ITPRID2: variants seen among roughly 807,000 people sequenced by gnomAD.
The protein encoded by ITPRID2 is ITPR interacting domain containing 2, also known as protein ITPRID2.
A neutral mutation model predicts 124.3 loss-of-function variants in ITPRID2; 60 were observed. The ratio of observed to expected loss-of-function variants is 0.48; its 90% confidence interval spans 0.39 to 0.60. The LOEUF (loss-of-function observed/expected upper bound fraction) is 0.60, where lower values mean the gene tolerates loss of function less well. ITPRID2 is among the 20% of genes least tolerant of loss of function. ITPRID2 has a pLI of 0.00. For synonymous variants in ITPRID2, 521 were observed against 542.9 expected, an observed-to-expected ratio of 0.96 and a Z score of 0.56; for missense variants, 1,553 against 1,512.2, an observed-to-expected ratio of 1.03 and a Z score of -0.45.
Position 181,919,216 on chromosome 2 carries a change from A to G in ITPRID2, c.2994-80A>G. 1 of 1,502,028 alleles carries G rather than the reference A, an allele frequency of 6.7e-7. No individual in the cohort carries two copies. The highest frequency in any genetic ancestry group is 1.2e-5 in the South Asian group (1 of 86,552). The allele number at this position is 1,502,028 out of a possible 1,614,324, so 93.0% of individuals were successfully genotyped here. Reference sequence around the variant, plus strand: ...AGATTTCCATGCCTTCTGTTAGCATATAGTAGTTGTTGAAAGATTTGTGAT... The same window carrying G: ...AGATTTCCATGCCTTCTGTTAGCATGTAGTAGTTGTTGAAAGATTTGTGAT... On this transcript the variant is annotated intron_variant, in intron 13 of 17. Coordinates refer to ENST00000431877, the MANE Select transcript of ITPRID2 (RefSeq NM_001130445.3). This position sits in a 1 kb window ranked among gnomAD's most constrained non-coding sequence, Gnocchi z 4.2.
chr2:181,899,797 A>C (rs1692514195), intron 6 of ITPRID2, among the ~76,000 whole-genome samples: 1 of 152,182 alleles, frequency 6.6e-6, no homozygotes, highest in African/African-American at 2.4e-5. Context: ...GTGCCACTCC[A>C]TTTCAACTTG....
rs1451947864 is a variant in ITPRID2 at position 181,902,800 on chromosome 2, A to G, written c.1413+334A>G. 2.6e-5 allele frequency among the ~76,000 whole-genome samples: 4 copies of G among 152,236 alleles called. No individual in the cohort carries two copies. Among genetic ancestry groups the G allele is most frequent in the African/African-American group, 9.6e-5 (4 of 41,460 alleles). On this transcript the variant is annotated intron_variant, in intron 8 of 17. Coordinates refer to ENST00000431877, the MANE Select transcript of ITPRID2 (RefSeq NM_001130445.3). The surrounding 1 kb of genome is among the most constrained non-coding windows in gnomAD (Gnocchi z 4.4). The stretch of plus-strand genomic sequence containing the variant: ...CAAAGCAATATTGCATAATAGTTAG[A>G]AACACAGGCTTTGAAATCAAACAGG...
intron 17 of ITPRID2, among the ~76,000 whole-genome samples, 159 bp downstream of exon 17, chr2:181,928,437 T>C (rs1262668105): frequency 6.6e-6 from 1 of 152,202 alleles, no homozygotes; most frequent in East Asian, 1.9e-4. Context: ...CACACAAGCC[T>C]ATTTGAAGTG....
intron 4 of ITPRID2, 83 bp downstream of exon 4, chr2:181,897,047 G>A (rs1304377754): frequency 3.4e-6 from 4 of 1,169,444 alleles, no homozygotes; most frequent in Non-Finnish European, 5.1e-6. Context: ...TCAGGTTTAT[G>A]ATCCTCAAGC....
At position 181,921,531 on chromosome 2, in the gene ITPRID2, CACAG is replaced by C. The variant is rs1694484921; in HGVS notation, c.3211-416_3211-413del. 2.0e-5 allele frequency among the ~76,000 whole-genome samples: 3 copies of C among 152,046 alleles called. No homozygotes were observed. The South Asian group carries it at 6.2e-4, about 32-fold the overall frequency. On this transcript the variant is annotated intron_variant, in intron 15 of 17. Transcript: ENST00000431877. ...TTACATTTCAGGAGACATGTGCTTTCACAGTTTGATCCTGGTTCTTTAGGTAGTT... is the reference window on the plus strand; with the variant it reads ...TTACATTTCAGGAGACATGTGCTTTCTTTGATCCTGGTTCTTTAGGTAGTT...
chr2:181,926,172 G>A (rs1223065605), intron 16 of ITPRID2, among the ~76,000 whole-genome samples: 1 of 151,856 alleles, frequency 6.6e-6, no homozygotes, highest in Non-Finnish European at 1.5e-5. Flanking sequence ...GCTGAGGCAG[G>A]AGAATTACTT....
At position 181,902,368 on chromosome 2, in the gene ITPRID2, C is replaced by T; in HGVS notation, c.1315C>T (p.His439Tyr). 1.2e-6 allele frequency: 2 copies of T among 1,613,802 alleles called. No individual in the cohort carries two copies. The highest frequency in any genetic ancestry group is 1.7e-6 in the Non-Finnish European group (2 of 1,179,826). ...LENSSELKSVHISTPEKEPCA... is the reference protein window; with the variant it reads ...LENSSELKSVYISTPEKEPCA... ...AAATAGCAGTGAGCTGAAAAGTGTC[C>T]ATATATCCACACCTGAAAAAGAGCC... The change falls in exon 8 of 18, where the codon CAT (histidine) becomes TAT (tyrosine). Residue 439 changes from histidine to tyrosine, a missense_variant. Physicochemically the swap from His to Tyr is moderately conservative, Grantham distance 83. Transcript: ENST00000431877. The surrounding 1 kb of genome is among the most constrained non-coding windows in gnomAD (Gnocchi z 4.4).
intron 9 of ITPRID2, among the ~76,000 whole-genome samples, chr2:181,911,539 T>C (rs1693605473): frequency 6.6e-6 from 1 of 152,230 alleles, no homozygotes; most frequent in Non-Finnish European, 1.5e-5. Flanking sequence ...TTGGTTTCTT[T>C]ATGATGATAC....
chr2:181,921,974 A>G lies in ITPRID2; in HGVS notation c.3237A>G (p.Ser1079=). 1 of 1,614,230 alleles carries G rather than the reference A, an allele frequency of 6.2e-7. No individual in the cohort carries two copies. Among genetic ancestry groups the G allele is most frequent in the Non-Finnish European group, 8.5e-7 (1 of 1,180,034 alleles). ...TCACTGAACTGATGCAGGAGCAGTC[A>G]TACCTGAAGTCTGAATTGGGCCTGG... ...EPVTELMQEQ[S]YLKSELGLGL... is the part of the protein sequence containing the mutation. Residue 1079 remains serine, a synonymous_variant, in exon 16 of 18, where the codon TCA becomes TCG. Transcript: ENST00000431877.
intron 8 of ITPRID2, among the ~76,000 whole-genome samples, chr2:181,903,663 A>G (rs1008671184): frequency 9.2e-5 from 14 of 152,102 alleles, no homozygotes; most frequent in Non-Finnish European, 2.1e-4. Context: ...AGCACCTTGG[A>G]ATATTTTACA....
At position 181,929,740 on chromosome 2, in the gene ITPRID2, G is replaced by A. The variant is rs1190450939; in HGVS notation, c.*193G>A. On this transcript the variant is annotated 3_prime_UTR_variant, in exon 18 of 18. Transcript: ENST00000431877. ...ACGTACATAGAAACTTAGGCACTTT[G>A]CTATTTCTTTTCTAAACTATCAAAA... The A allele has an allele frequency of 2.3e-6, 2 of 884,806 alleles. No homozygotes were observed. Among genetic ancestry groups the A allele is most frequent in the East Asian group, 2.8e-5 (1 of 35,268 alleles). 54.8% of individuals were successfully genotyped at this position (884,806 alleles called of 1,614,324 possible).
intron 4 of ITPRID2, 92 bp downstream of exon 4, chr2:181,897,056 G>A: frequency 9.1e-7 from 1 of 1,102,982 alleles, no homozygotes; most frequent in East Asian, 2.4e-5. Flanking sequence ...TGATCCTCAA[G>A]CTAAATTTAA....
At chr2:181,927,202 C>T (rs999216696) in intron 16 of ITPRID2, among the ~76,000 whole-genome samples, 1 of 152,198 alleles carries the variant, frequency 6.6e-6, no homozygotes. Context: ...TTGAGATGTA[C>T]TTAGGAACAT....
At position 181,892,607 on chromosome 2, in the gene ITPRID2, AC is replaced by A. The variant is rs1691833735; in HGVS notation, c.212-3del. On this transcript the variant is annotated splice_polypyrimidine_tract_variant and splice_region_variant and intron_variant, in intron 1 of 17. Coordinates refer to ENST00000431877, the MANE Select transcript of ITPRID2 (RefSeq NM_001130445.3). The surrounding 1 kb of genome is among the most constrained non-coding windows in gnomAD (Gnocchi z 5.2). The stretch of plus-strand genomic sequence containing the variant: ...TGGTAACGTGCTGTCCCCTCTCTCT[AC>A]CCCCAGGAAACGTGCCCAACGAGAA... 1 of 1,613,320 alleles carries A rather than the reference AC, an allele frequency of 6.2e-7. No homozygotes were observed. The highest frequency in any genetic ancestry group is 1.3e-5 in the African/African-American group (1 of 74,650).
At chr2:181,914,704 T>G (rs1693889988) in intron 10 of ITPRID2, among the ~76,000 whole-genome samples, 1 of 152,158 alleles carries the variant, frequency 6.6e-6, no homozygotes, top group Non-Finnish European at 1.5e-5. Flanking sequence ...ATGAAATGAC[T>G]TGGGGAAAGT....
intron 10 of ITPRID2, among the ~76,000 whole-genome samples, 170 bp downstream of exon 10, chr2:181,914,103 T>C (rs1693841866): frequency 6.6e-6 from 1 of 152,234 alleles, no homozygotes; most frequent in Non-Finnish European, 1.5e-5. Flanking sequence ...AAATTTTAGA[T>C]TTCATTAATT....
rs1232844384 is a variant in ITPRID2, at chr2:181,910,339, T to C, written c.1486+368T>C. Among the ~76,000 whole-genome samples the C allele has an allele frequency of 6.6e-6, 1 of 152,212 alleles. No individual in the cohort carries two copies. The highest frequency in any genetic ancestry group is 2.4e-5 in the African/African-American group (1 of 41,466). On this transcript the variant is annotated intron_variant, in intron 9 of 17. Transcript: ENST00000431877. This position sits in a 1 kb window ranked among gnomAD's most constrained non-coding sequence, Gnocchi z 4.1. Reference sequence around the variant, plus strand: ...GTATTATCTATCTTTGGTGTTTCACTATATAAATATAGCTCCTAGGTATAA... The same window carrying C: ...GTATTATCTATCTTTGGTGTTTCACCATATAAATATAGCTCCTAGGTATAA...
chr2:181,908,605 A>G (rs990897499), intron 8 of ITPRID2, among the ~76,000 whole-genome samples: 7 of 152,216 alleles, frequency 4.6e-5, no homozygotes, highest in Admixed American at 1.3e-4. Flanking sequence ...TCTACAGGTG[A>G]TGGTTTTGCA....
intron 16 of ITPRID2, among the ~76,000 whole-genome samples, chr2:181,925,575 C>T (rs1482086831): frequency 1.3e-5 from 2 of 152,172 alleles, no homozygotes; most frequent in African/African-American, 4.8e-5. Context: ...GATATTGTCT[C>T]TCACCCTTGT....
Sources: gnomAD v4.1 joint callset for allele counts (sites outside exome capture counted in the v4.1 genomes callset) on GRCh38, gnomAD v4.1.1 for gene constraint, Gnocchi (gnomAD v3.1) non-coding constraint, MANE v1.5 for transcripts, NCBI Gene and HGNC (gene_info 2026-07-23, HGNC 2026-07-21) for gene names.